ROR2: variants seen among roughly 807,000 people sequenced by gnomAD.
The protein encoded by ROR2 is tyrosine-protein kinase transmembrane receptor ROR2.
A neutral mutation model predicts 74.9 loss-of-function variants in ROR2; 33 were observed. The observed-to-expected ratio is 0.44, with a 90% confidence interval of 0.33 to 0.59. ROR2 has a LOEUF of 0.59. ROR2 is among the 20% of genes least tolerant of loss of function. The pLI is 0.02. For missense variants in ROR2, 1,216 were observed against 1,313.8 expected, an observed-to-expected ratio of 0.93 and a Z score of 1.15; for synonymous variants, 586 against 558.7, an observed-to-expected ratio of 1.05 and a Z score of -0.69.
chr9:91,757,483 C>G lies in ROR2; in HGVS notation c.252G>C (p.Lys84Asn). Residue 84 changes from lysine (K) to asparagine (N), a missense_variant, in exon 3 of 9, where the codon AAG (lysine) becomes AAC (asparagine). Lys to Asn is a moderately conservative substitution (Grantham distance 94). Coordinates refer to ENST00000375708, the MANE Select transcript of ROR2 (RefSeq NM_004560.4). Reference protein sequence around the residue: ...VQGQTAILHCKVAGNPPPNVR... With the variant: ...VQGQTAILHCNVAGNPPPNVR... ...CGTTAGGGGGTGGGTTTCCTGCCAC[C>G]TTGCAGTGCAGAATTGCCGTCTGGC... 6.2e-7 allele frequency: 1 copy of G among 1,613,828 alleles called. No individual in the cohort carries two copies. Among genetic ancestry groups the G allele is most frequent in the Non-Finnish European group, 8.5e-7 (1 of 1,179,984 alleles).
At chr9:91,919,987 C>CA (rs1263453082) in intron 1 of ROR2, among the ~76,000 whole-genome samples, 1 of 152,198 alleles carries the variant, frequency 6.6e-6, no homozygotes, top group Non-Finnish European at 1.5e-5. Flanking sequence ...ACACCTGCCC[C>CA]ACCAGGCTCC....
At chr9:91,726,395 A>T in intron 8 of ROR2, 146 bp downstream of exon 8, 1 of 716,340 alleles carries the variant, frequency 1.4e-6, no homozygotes, top group Non-Finnish European at 2.3e-6. Context: ...TAGTTTACAG[A>T]AAAAAAAAAT....
intron 1 of ROR2, among the ~76,000 whole-genome samples, chr9:91,780,059 C>A (rs889264839): frequency 6.6e-6 from 1 of 152,190 alleles, no homozygotes; most frequent in Admixed American, 6.5e-5. Context: ...TCACATCAGG[C>A]CTGCAATAGC....
At chr9:91,740,764 A>G (rs1825208477) in intron 4 of ROR2, among the ~76,000 whole-genome samples, 1 of 152,072 alleles carries the variant, frequency 6.6e-6, no homozygotes, top group Non-Finnish European at 1.5e-5. Context: ...GAGTCTGTTA[A>G]GTGGATCCCT....
rs148846734 is a variant in ROR2 at position 91,839,669 on chromosome 9, T to C, written c.98-63851A>G. ...AGGTATATATGTGGGGATACATGTT[T>C]GTGCATATGGTGTGGGTGTGTGTGT... is the stretch of plus-strand genomic sequence containing the variant. On this transcript the variant is annotated intron_variant, in intron 1 of 8. Transcript: ENST00000375708. Among the ~76,000 whole-genome samples, 387 of 150,582 alleles carry C rather than the reference T, an allele frequency of 2.6e-3. 1 individual carries two copies. The highest frequency in any genetic ancestry group is 8.9e-3 in the African/African-American group (363 of 40,898).
At position 91,724,508 on chromosome 9, in the gene ROR2, C is replaced by T. The variant is rs1441560959; in HGVS notation, c.1986G>A (p.Glu662=). 2 of 1,614,112 alleles carry T rather than the reference C, an allele frequency of 1.2e-6. No homozygotes were observed. The highest frequency in any genetic ancestry group is 1.3e-5 in the African/African-American group (1 of 74,942). ...SLLPIRWMAP[E]AIMYGKFSID... ...TGGAGAACTTGCCGTACATGATGGC[C>T]TCTGGGGCCATCCAGCGGATAGGCA... The change falls in exon 9 of 9, where the codon GAG becomes GAA. Residue 662 remains glutamate, a synonymous_variant. Transcript: ENST00000375708.
At chr9:91,799,322 C>T (rs1467741230) in intron 1 of ROR2, among the ~76,000 whole-genome samples, 1 of 152,110 alleles carries the variant, frequency 6.6e-6, no homozygotes, top group African/African-American at 2.4e-5. Flanking sequence ...GCTGCTCACT[C>T]CCCCCAACAC....
At chr9:91,754,024 C>A (rs943238086) in intron 4 of ROR2, among the ~76,000 whole-genome samples, 70 of 144,664 alleles carry the variant, frequency 4.8e-4, no homozygotes, top group Non-Finnish European at 1.7e-4. Context: ...TACTGAGTGC[C>A]TACAAACTCC....
intron 1 of ROR2, among the ~76,000 whole-genome samples, chr9:91,790,090 T>A (rs1390589448): frequency 3.9e-5 from 6 of 152,198 alleles, no homozygotes; most frequent in African/African-American, 1.4e-4. Context: ...AGTGGTCCCA[T>A]AAGATTACAA....
chr9:91,819,866 C>G (rs1380410505), intron 1 of ROR2, among the ~76,000 whole-genome samples: 2 of 151,144 alleles, frequency 1.3e-5, no homozygotes, highest in African/African-American at 4.9e-5. Context: ...CTGTGTATGT[C>G]TGTATTTGTG....
intron 1 of ROR2, among the ~76,000 whole-genome samples, chr9:91,848,110 A>C (rs1267868252): frequency 1.3e-5 from 2 of 152,220 alleles, no homozygotes; most frequent in African/African-American, 4.8e-5. Flanking sequence ...GATTTTACCA[A>C]AACATAACAA....
intron 1 of ROR2, among the ~76,000 whole-genome samples, chr9:91,804,213 C>T (rs1248961635): frequency 6.6e-6 from 1 of 152,226 alleles, no homozygotes; most frequent in Non-Finnish European, 1.5e-5. Context: ...TCAAGGCTAG[C>T]AGCAGGAATG....
intron 1 of ROR2, among the ~76,000 whole-genome samples, chr9:91,843,589 C>T (rs750440359): frequency 6.6e-6 from 1 of 152,214 alleles, no homozygotes; most frequent in Non-Finnish European, 1.5e-5. Flanking sequence ...GGCTGTGACC[C>T]CCAATCCCAC....
chr9:91,844,516 C>T (rs779080264), intron 1 of ROR2, among the ~76,000 whole-genome samples: 7 of 152,214 alleles, frequency 4.6e-5, no homozygotes, highest in Non-Finnish European at 7.3e-5. Flanking sequence ...CTGAAGAGAA[C>T]ATATGAATTT....
At chr9:91,916,689 T>C (rs1053514124) in intron 1 of ROR2, among the ~76,000 whole-genome samples, 1 of 152,204 alleles carries the variant, frequency 6.6e-6, no homozygotes, top group African/African-American at 2.4e-5. Flanking sequence ...TTGGGACCCT[T>C]TTCCAGGTCC....
chr9:91,892,859 G>A (rs1259763367), intron 1 of ROR2, among the ~76,000 whole-genome samples: 1 of 152,036 alleles, frequency 6.6e-6, no homozygotes, highest in South Asian at 2.1e-4. Flanking sequence ...CAAAGTGCTG[G>A]GAATACAGGC....
At chr9:91,734,815 C>T (rs1328719204) in intron 5 of ROR2, among the ~76,000 whole-genome samples, 3 of 152,182 alleles carry the variant, frequency 2.0e-5, no homozygotes, top group African/African-American at 7.2e-5. Context: ...GGAGCAGCCA[C>T]GCTGTCCTGA....
chr9:91,931,619 T>TA (rs1267500669), intron 1 of ROR2, among the ~76,000 whole-genome samples: 2 of 151,610 alleles, frequency 1.3e-5, no homozygotes, highest in East Asian at 1.9e-4. Flanking sequence ...TTAAGCCATT[T>TA]AAAAAAAAAT....
intron 1 of ROR2, among the ~76,000 whole-genome samples, chr9:91,909,230 C>T (rs1033148672): frequency 6.6e-6 from 1 of 152,216 alleles, no homozygotes; most frequent in African/African-American, 2.4e-5. Context: ...GTGTGCATCT[C>T]AGGAGTGGGG....
Sources: allele counts gnomAD v4.1 joint callset (sites outside exome capture counted in the v4.1 genomes callset), GRCh38; gene constraint gnomAD v4.1.1; transcripts MANE v1.5; gene names NCBI Gene and HGNC (gene_info 2026-07-23, HGNC 2026-07-21).